The following RALGAPA1 variants were observed in gnomAD, a reference collection of about 807,000 sequenced individuals.
RALGAPA1 encodes ral GTPase-activating protein subunit alpha-1.
A neutral mutation model predicts 269.6 loss-of-function variants in RALGAPA1; 52 were observed. The ratio of observed to expected loss-of-function variants is 0.19; its 90% CI spans 0.15 to 0.24. RALGAPA1 has a LOEUF of 0.24. Ranked by LOEUF, RALGAPA1 falls within the 10% of genes least tolerant of loss-of-function variation. RALGAPA1 has a pLI of 1.00. For missense variants in RALGAPA1, 1,917 were observed against 3,013.9 expected (o/e 0.64, Z 8.52); for synonymous variants, 817 against 1,008.3 (o/e 0.81, Z 3.60).
Position 35,809,144 on chromosome 14 carries a change from G to A in RALGAPA1, c.-309C>T, listed in dbSNP as rs1174971990. 3 of 299,420 alleles carry A rather than the reference G, an allele frequency of 1.0e-5. No homozygotes were observed. Among genetic ancestry groups the A allele is most frequent in the East Asian group, 1.7e-4 (2 of 11,984 alleles). 18.5% of individuals were successfully genotyped at this position (299,420 alleles called of 1,614,324 possible). On this transcript the variant is annotated 5_prime_UTR_variant, in exon 1 of 42. Coordinates refer to ENST00000680220, the MANE Select transcript of RALGAPA1 (RefSeq NM_001346249.2). The stretch of plus-strand genomic sequence containing the variant: ...CCGCCGCCGCTCGTCTCCAGCGGCC[G>A]CCGCTCGCCGCCACAGGCCGGGGCC...
At chr14:35,599,888 C>T (rs1566788223) in intron 36 of RALGAPA1, among the ~76,000 whole-genome samples, 2 of 152,170 alleles carry the variant, frequency 1.3e-5, no homozygotes, top group Non-Finnish European at 2.9e-5. Context: ...AGATAAGGTA[C>T]ACTTTTTCTC....
In RALGAPA1 at chr14:35,670,044, C is replaced by T. The variant is rs565885459; in HGVS notation, c.5202+1345G>A. On this transcript the variant is annotated intron_variant, in intron 26 of 41. Transcript: ENST00000680220. ...AACAGGGTTATACAGCTATAAATAC[C>T]GCTGCTGCTTTGTCTGTTTACACTA... Among the ~76,000 whole-genome samples, 416 of 152,264 alleles carry T rather than the reference C, an allele frequency of 2.7e-3. 2 individuals carry two copies. Among genetic ancestry groups the T allele is most frequent in the African/African-American group, 9.7e-3 (405 of 41,554 alleles).
chr14:35,717,378 G>A (rs1302273575), intron 16 of RALGAPA1, among the ~76,000 whole-genome samples: 2 of 152,122 alleles, frequency 1.3e-5, no homozygotes, highest in Non-Finnish European at 2.9e-5. Context: ...TTGAACACCT[G>A]ACCTCAGGTG....
rs1216194208 is a variant in RALGAPA1 at position 35,570,219 on chromosome 14, G to C, written c.7496+398C>G. Among the ~76,000 whole-genome samples the C allele has an allele frequency of 5.3e-5, 8 of 150,496 alleles. No individual in the cohort carries two copies. In the East Asian group the frequency reaches 1.6e-3, roughly 29 times the overall value. On this transcript the variant is annotated intron_variant, in intron 39 of 41. Coordinates refer to ENST00000680220, the MANE Select transcript of RALGAPA1 (RefSeq NM_001346249.2). ...CCAGAGTCGGAGGTTGCAGTGAGCT[G>C]AGATCGTGCCACTGCACTCCAGCCT...
Position 35,748,846 on chromosome 14 carries a change from AAAAG to A in RALGAPA1, c.1012-26_1012-23del, listed in dbSNP as rs2072399729. 5.8e-6 allele frequency: 9 copies of A among 1,559,424 alleles called. No individual in the cohort carries two copies. In the Admixed American group the frequency reaches 1.9e-4, roughly 33 times the overall value. On this transcript the variant is annotated intron_variant, in intron 9 of 41. Transcript: ENST00000680220. Reference sequence around the variant, plus strand: ...CTCTCTAAAATACAAAAAAAAAAAAAAAAGAGAGAAACAATATCATAATCATTTA... The same window carrying A: ...CTCTCTAAAATACAAAAAAAAAAAAAAGAGAAACAATATCATAATCATTTA...
At chr14:35,614,709 A>G (rs2060144024) in intron 35 of RALGAPA1, among the ~76,000 whole-genome samples, 1 of 152,270 alleles carries the variant, frequency 6.6e-6, no homozygotes, top group South Asian at 2.1e-4. Flanking sequence ...TGCATGTAAA[A>G]TATGTCTCAG....
At chr14:35,769,008 CAAA>C (rs1170324007) in intron 4 of RALGAPA1, among the ~76,000 whole-genome samples, 2 of 11,188 alleles carry the variant, frequency 1.8e-4, no homozygotes, top group African/African-American at 3.1e-4. Context: ...AACTCCGTCT[CAAA>C]AAAAAAAAAA....
At chr14:35,604,079 G>A (rs1287361591) in intron 36 of RALGAPA1, among the ~76,000 whole-genome samples, 1 of 152,048 alleles carries the variant, frequency 6.6e-6, no homozygotes, top group Non-Finnish European at 1.5e-5. Flanking sequence ...ACTACACATT[G>A]TATGCACTTA....
chr14:35,730,729 G>A (rs952419902), intron 12 of RALGAPA1, among the ~76,000 whole-genome samples: 2 of 152,128 alleles, frequency 1.3e-5, no homozygotes, highest in Non-Finnish European at 2.9e-5. Flanking sequence ...GCTGTAGCAA[G>A]ACCCACCCAA....
chr14:35,667,280 C>T (rs1384689975), intron 26 of RALGAPA1, among the ~76,000 whole-genome samples: 1 of 151,996 alleles, frequency 6.6e-6, no homozygotes, highest in Non-Finnish European at 1.5e-5. Context: ...CACCTGTAGT[C>T]CCAGCTACTC....
chr14:35,710,465 C>T (rs1231063468), intron 16 of RALGAPA1, among the ~76,000 whole-genome samples: 1 of 152,136 alleles, frequency 6.6e-6, no homozygotes, highest in Non-Finnish European at 1.5e-5. Context: ...ACCATGTTGG[C>T]CAGGCTGGTC....
intron 37 of RALGAPA1, among the ~76,000 whole-genome samples, chr14:35,576,156 A>T (rs1422882812): frequency 1.3e-5 from 2 of 152,182 alleles, no homozygotes. Context: ...TAATATTTCT[A>T]TTAAACTTGT....
chr14:35,617,398 G>A (rs1457749461), intron 35 of RALGAPA1, among the ~76,000 whole-genome samples: 1 of 151,852 alleles, frequency 6.6e-6, no homozygotes, highest in Non-Finnish European at 1.5e-5. Flanking sequence ...CAGGCAGATC[G>A]CTTGAGGTCA....
At chr14:35,714,335 G>A (rs771501992) in intron 16 of RALGAPA1, among the ~76,000 whole-genome samples, 4 of 152,146 alleles carry the variant, frequency 2.6e-5, no homozygotes, top group African/African-American at 4.8e-5. Flanking sequence ...CCTAGTGGGT[G>A]GGTGTAATGT....
chr14:35,643,746 AC>A (rs376461471), intron 31 of RALGAPA1, among the ~76,000 whole-genome samples: 4 of 147,038 alleles, frequency 2.7e-5, no homozygotes, highest in Admixed American at 6.6e-5. Context: ...GATAGATGGA[AC>A]TGGAAGTCAT....
chr14:35,623,222 C>T lies in RALGAPA1; in HGVS notation c.6929+2139G>A, dbSNP rs565845633. Among the ~76,000 whole-genome samples the T allele has an allele frequency of 2.2e-3, 328 of 150,686 alleles. 4 individuals are homozygous for T. Among genetic ancestry groups the T allele is most frequent in the African/African-American group, 7.6e-3 (312 of 41,018 alleles). ...AAATTGAGAGAAATGATACATAAAA[C>T]GAAAAAATATGTAGGTTAAATGATC... On this transcript the variant is annotated intron_variant, in intron 35 of 41. Transcript: ENST00000680220.
At chr14:35,637,541 AAAG>A (rs2061740677) in intron 31 of RALGAPA1, among the ~76,000 whole-genome samples, 1 of 152,206 alleles carries the variant, frequency 6.6e-6, no homozygotes, top group South Asian at 2.1e-4. Context: ...ACAAAAGAAA[AAAG>A]AAGAAAAAAG....
At chr14:35,725,599 A>C (rs2069822756) in intron 13 of RALGAPA1, among the ~76,000 whole-genome samples, 1 of 152,170 alleles carries the variant, frequency 6.6e-6, no homozygotes, top group Non-Finnish European at 1.5e-5. Flanking sequence ...ATGTTGAGTA[A>C]CTACATATTG....
intron 37 of RALGAPA1, among the ~76,000 whole-genome samples, chr14:35,593,400 T>C (rs2058748218): frequency 6.6e-6 from 1 of 152,126 alleles, no homozygotes; most frequent in African/African-American, 2.4e-5. Context: ...ATGTTCATAC[T>C]ACCCAAAGAA....
Sources: gnomAD v4.1 joint callset for allele counts (sites outside exome capture counted in the v4.1 genomes callset) on GRCh38, gnomAD v4.1.1 for gene constraint, MANE v1.5 for transcripts, NCBI Gene and HGNC (gene_info 2026-07-23, HGNC 2026-07-21) for gene names.